The following GRIP1 variants were observed in gnomAD, a reference collection of about 807,000 sequenced individuals.
The protein encoded by GRIP1 is glutamate receptor interacting protein 1.
A neutral mutation model predicts 129.9 loss-of-function variants in GRIP1; 45 were observed. The ratio of observed to expected loss-of-function variants is 0.35; its 90% CI spans 0.27 to 0.44. GRIP1 has a LOEUF of 0.44. Among genes scored for constraint, GRIP1 ranks in the 20% least tolerant of loss-of-function variants. GRIP1 has a pLI of 1.00. For missense variants in GRIP1, 1,196 were observed against 1,396.8 expected, an observed-to-expected ratio of 0.86 and a Z score of 2.29; for synonymous variants, 530 against 520.8, an observed-to-expected ratio of 1.02 and a Z score of -0.24.
intron 5 of GRIP1, among the ~76,000 whole-genome samples, chr12:66,528,150 T>TTTTTTTTTTTTTTA (rs2061325891): frequency 8.6e-6 from 1 of 116,298 alleles, no homozygotes. Flanking sequence ...TTTTTTTTTT[T>TTTTTTTTTTTTTTA]TTGAGATGGA....
intron 1 of GRIP1, among the ~76,000 whole-genome samples, chr12:66,737,364 A>G (rs1394248541): frequency 6.6e-6 from 1 of 151,898 alleles, no homozygotes; most frequent in Admixed American, 6.6e-5. Flanking sequence ...GCTCATTGCA[A>G]CCTCCGCCTC....
intron 1 of GRIP1, among the ~76,000 whole-genome samples, chr12:66,844,107 A>G (rs1450610782): frequency 6.6e-6 from 1 of 152,156 alleles, no homozygotes; most frequent in African/African-American, 2.4e-5. Flanking sequence ...ACTCAACAAC[A>G]AAAATCAACC....
At chr12:66,691,499 C>G (rs2034980647) in intron 1 of GRIP1, among the ~76,000 whole-genome samples, 2 of 152,082 alleles carry the variant, frequency 1.3e-5, no homozygotes, top group African/African-American at 4.8e-5. Context: ...TTAGATCCAT[C>G]AACTTTTACC....
intron 1 of GRIP1, among the ~76,000 whole-genome samples, chr12:66,986,377 A>C (rs1248184314): frequency 6.6e-6 from 1 of 151,870 alleles, no homozygotes; most frequent in Non-Finnish European, 1.5e-5. Flanking sequence ...ACACATGCAC[A>C]CGTATGTTTA....
intron 1 of GRIP1, among the ~76,000 whole-genome samples, chr12:67,031,200 AG>A (rs1297823924): frequency 5.3e-5 from 8 of 152,190 alleles, no homozygotes; most frequent in African/African-American, 1.9e-4. Flanking sequence ...CCCAGTTACT[AG>A]AAGCTACCAA....
At chr12:66,977,200 CTT>C (rs554293693) in intron 1 of GRIP1, among the ~76,000 whole-genome samples, 21 of 139,660 alleles carry the variant, frequency 1.5e-4, no homozygotes, top group African/African-American at 4.1e-4. Context: ...TTAGGTCAAA[CTT>C]TTTTTTTTTT....
intron 1 of GRIP1, among the ~76,000 whole-genome samples, chr12:66,603,163 CT>C (rs1230110684): frequency 7.3e-6 from 1 of 136,250 alleles, no homozygotes; most frequent in Non-Finnish European, 1.6e-5. Flanking sequence ...ATCTGGCTTT[CT>C]TTTACTTTTG....
At chr12:66,744,052 T>C (rs1397629985) in intron 1 of GRIP1, among the ~76,000 whole-genome samples, 2 of 152,196 alleles carry the variant, frequency 1.3e-5, no homozygotes, top group African/African-American at 4.8e-5. Flanking sequence ...ATTATCTTCA[T>C]ACTATGAGCA....
At chr12:66,642,843 G>A (rs1434936823) in intron 1 of GRIP1, among the ~76,000 whole-genome samples, 2 of 152,104 alleles carry the variant, frequency 1.3e-5, no homozygotes, top group Non-Finnish European at 2.9e-5. Flanking sequence ...CAGAAATAAT[G>A]CAGATGAATC....
At chr12:67,046,670 T>A (rs1272098823) in intron 1 of GRIP1, among the ~76,000 whole-genome samples, 1 of 152,156 alleles carries the variant, frequency 6.6e-6, no homozygotes. Context: ...GCACAAAGTA[T>A]AAAAACAATC....
intron 1 of GRIP1, among the ~76,000 whole-genome samples, chr12:66,852,156 T>C (rs1340084723): frequency 3.9e-5 from 6 of 152,084 alleles, no homozygotes; most frequent in Non-Finnish European, 8.8e-5. Flanking sequence ...AAAATACAAA[T>C]TCATTCTTCC....
chr12:66,642,009 G>C (rs2031970739), intron 1 of GRIP1, among the ~76,000 whole-genome samples: 1 of 152,148 alleles, frequency 6.6e-6, no homozygotes, highest in African/African-American at 2.4e-5. Flanking sequence ...TGTGCCCTCA[G>C]TGCCAAGTTA....
chr12:66,403,491 A>G (rs948268655), intron 16 of GRIP1, among the ~76,000 whole-genome samples: 50 of 152,332 alleles, frequency 3.3e-4, no homozygotes, highest in African/African-American at 1.2e-3. Context: ...AGAGGATACT[A>G]GGATCATATA....
At chr12:66,485,099 T>C (rs1008365720) in intron 7 of GRIP1, among the ~76,000 whole-genome samples, 35 of 152,336 alleles carry the variant, frequency 2.3e-4, no homozygotes, top group Middle Eastern at 3.4e-3. Context: ...CAGCAGATAC[T>C]GTCAAAGAGG....
At chr12:66,902,243 AATTCACTGTTTTGGATTTAC>A (rs1363796580) in intron 1 of GRIP1, among the ~76,000 whole-genome samples, 2 of 152,194 alleles carry the variant, frequency 1.3e-5, no homozygotes, top group Non-Finnish European at 2.9e-5. Flanking sequence ...CACTCTCAAC[AATTCACTGTTTTGGATTTAC>A]ATTCACATAT....
intron 1 of GRIP1, among the ~76,000 whole-genome samples, chr12:67,000,997 G>A (rs1038041065): frequency 6.6e-6 from 1 of 152,146 alleles, no homozygotes; most frequent in Non-Finnish European, 1.5e-5. Context: ...TGAGTATCCT[G>A]TATTTTATCT....
chr12:67,047,815 T>C (rs1255893796), intron 1 of GRIP1, among the ~76,000 whole-genome samples: 1 of 152,194 alleles, frequency 6.6e-6, no homozygotes, highest in Non-Finnish European at 1.5e-5. Context: ...GAGTCACGGT[T>C]TGTATAAACA....
At position 66,967,185 on chromosome 12, in the gene GRIP1, T is replaced by C. The variant is rs141945735; in HGVS notation, c.58+101865A>G. On this transcript the variant is annotated intron_variant, in intron 1 of 1. Coordinates refer to the GRIP1 transcript ENST00000643019. ...GTTTGTTTTTGTTTTATTTTGCTTT[T>C]AATTGACAAATAATAACTGTACACA... 5.8e-3 allele frequency among the ~76,000 whole-genome samples: 880 copies of C among 152,300 alleles called. 13 individuals carry two copies. Among genetic ancestry groups the C allele is most frequent in the African/African-American group, 0.02 (838 of 41,576 alleles).
chr12:66,453,803 C>A (rs1009316298), intron 11 of GRIP1, among the ~76,000 whole-genome samples: 2 of 152,138 alleles, frequency 1.3e-5, no homozygotes, highest in Non-Finnish European at 2.9e-5. Context: ...TGCTCAGGGT[C>A]CTACAGCTAG....
Sources: gnomAD v4.1 joint callset for allele counts (sites outside exome capture counted in the v4.1 genomes callset) on GRCh38, gnomAD v4.1.1 for gene constraint, MANE v1.5 for transcripts, NCBI Gene and HGNC (gene_info 2026-07-23, HGNC 2026-07-21) for gene names.